The following ARL6IP6 variants were observed in gnomAD, a reference collection of about 807,000 sequenced individuals.
ARL6IP6 encodes the protein ADP-ribosylation factor-like protein 6-interacting protein 6.
In ARL6IP6, 22 loss-of-function variants were observed where a neutral mutation model predicts 21.5. That is an observed-to-expected ratio of 1.02 (90% CI 0.73 to 1.46). The LOEUF (loss-of-function observed/expected upper bound fraction) is 1.46, where lower values mean the gene tolerates loss of function less well. Among genes scored for constraint, ARL6IP6 ranks in the 40% most tolerant of loss-of-function variants. The probability of loss-of-function intolerance (pLI) is 0.00; values close to 1 mark genes in which losing one functional copy is unlikely to be tolerated. For missense variants in ARL6IP6, 388 were observed against 299.8 expected (o/e 1.29, Z -2.17); for synonymous variants, 164 against 125.3 (o/e 1.31, Z -2.06).
chr2:152,720,316 A>T, intron 1 of ARL6IP6: 1 of 572,900 alleles, frequency 1.7e-6, no homozygotes, highest in Admixed American at 3.0e-5. Context: ...CAGTACTCTC[A>T]TCCTATGTAC....
Position 152,761,351 on chromosome 2 carries a change from C to T in ARL6IP6, c.*1511C>T, listed in dbSNP as rs1045582167. The T allele has an allele frequency of 2.0e-5, 3 of 152,048 alleles. No individual in the cohort carries two copies. The highest frequency in any genetic ancestry group is 4.4e-5 in the Non-Finnish European group (3 of 68,036). 9.4% of individuals were successfully genotyped at this position (152,048 alleles called of 1,614,324 possible). A position where few individuals can be genotyped will look rare whatever the true frequency, so the allele number is the denominator to read the frequency against. On this transcript the variant is annotated 3_prime_UTR_variant, in exon 4 of 4. Coordinates refer to ENST00000326446, the MANE Select transcript of ARL6IP6 (RefSeq NM_152522.7). ...TCTATTTTCACTCCCTGCCTTCCTT[C>T]CTGCACGCTTAAACTCTTCACCCTT...
At chr2:152,721,791 A>C (rs1286565507) in intron 2 of ARL6IP6, among the ~76,000 whole-genome samples, 1 of 152,252 alleles carries the variant, frequency 6.6e-6, no homozygotes, top group East Asian at 1.9e-4. Context: ...TTATTTCAGC[A>C]GAAGGGGAAA....
intron 2 of ARL6IP6, among the ~76,000 whole-genome samples, chr2:152,724,055 T>C (rs2105092949): frequency 6.6e-6 from 1 of 150,864 alleles, no homozygotes; most frequent in East Asian, 1.9e-4. Flanking sequence ...TATAGCACAA[T>C]TTTTGTAAAA....
intron 2 of ARL6IP6, among the ~76,000 whole-genome samples, chr2:152,730,677 C>T (rs942851502): frequency 5.3e-5 from 8 of 152,096 alleles, no homozygotes; most frequent in Non-Finnish European, 8.8e-5. Flanking sequence ...GACTAATCCT[C>T]AAGACATTTG....
intron 2 of ARL6IP6, among the ~76,000 whole-genome samples, chr2:152,722,800 C>T (rs534914704): frequency 1.7e-3 from 260 of 152,134 alleles, no homozygotes; most frequent in African/African-American, 5.0e-3. Flanking sequence ...CCCACCTACT[C>T]GGGAGGCTGA....
At chr2:152,735,607 G>A (rs936492928) in intron 3 of ARL6IP6, among the ~76,000 whole-genome samples, 3 of 152,048 alleles carry the variant, frequency 2.0e-5, no homozygotes, top group African/African-American at 4.8e-5. Context: ...TTTTCGTAGT[G>A]GAACAGTATT....
At chr2:152,720,692 A>C in intron 2 of ARL6IP6, 106 bp downstream of exon 2, 1 of 984,700 alleles carries the variant, frequency 1.0e-6, no homozygotes, top group Non-Finnish European at 1.5e-6. Context: ...TTCTATGTGC[A>C]GTCATTCAGT....
intron 3 of ARL6IP6, among the ~76,000 whole-genome samples, chr2:152,740,572 T>C (rs1260511548): frequency 2.6e-5 from 4 of 152,154 alleles, no homozygotes; most frequent in Middle Eastern, 3.4e-3. Context: ...ATACAAAATT[T>C]AGATGTGTAT....
chr2:152,720,406 G>A (rs1574007931), intron 1 of ARL6IP6, 127 bp from the exon 2 acceptor site: 1 of 881,184 alleles, frequency 1.1e-6, no homozygotes, highest in East Asian at 2.5e-5. Flanking sequence ...AATTGAATCA[G>A]AATTTGAACC....
chr2:152,756,953 C>T (rs553849998), intron 3 of ARL6IP6, among the ~76,000 whole-genome samples: 69 of 152,204 alleles, frequency 4.5e-4, no homozygotes, highest in Non-Finnish European at 9.0e-4. Context: ...CACCACCCAC[C>T]GAAGACGTGT....
intron 2 of ARL6IP6, among the ~76,000 whole-genome samples, chr2:152,731,342 T>C (rs1030228783): frequency 7.2e-5 from 11 of 152,340 alleles, no homozygotes; most frequent in African/African-American, 2.4e-4. Context: ...TTCAGTCTGT[T>C]ACTGAGCTTC....
At chr2:152,725,504 G>A (rs1019945979) in intron 2 of ARL6IP6, among the ~76,000 whole-genome samples, 8 of 152,076 alleles carry the variant, frequency 5.3e-5, no homozygotes, top group East Asian at 1.9e-4. Flanking sequence ...AGAATTATTG[G>A]GTTGACCATT....
intron 3 of ARL6IP6, among the ~76,000 whole-genome samples, chr2:152,750,179 A>C (rs1408329090): frequency 2.0e-5 from 3 of 152,148 alleles, no homozygotes; most frequent in African/African-American, 2.4e-5. Context: ...TGGGATACTT[A>C]CAGAAATGTA....
chr2:152,762,085 A>G lies in ARL6IP6; in HGVS notation c.*2245A>G, dbSNP rs1271368685. ...ATATGCAGAATGATTAGGCAAGGAT[A>G]GTCACCTAACTCTGGCTGAGCTAAT... is the stretch of plus-strand genomic sequence containing the variant. On this transcript the variant is annotated 3_prime_UTR_variant, in exon 4 of 4. Coordinates refer to ENST00000326446, the MANE Select transcript of ARL6IP6 (RefSeq NM_152522.7). 4.6e-5 allele frequency among the ~76,000 whole-genome samples: 7 copies of G among 152,202 alleles called. No individual in the cohort carries two copies. Among genetic ancestry groups the G allele is most frequent in the African/African-American group, 7.2e-5 (3 of 41,444 alleles).
intron 2 of ARL6IP6, among the ~76,000 whole-genome samples, chr2:152,722,407 A>C (rs989282783): frequency 6.6e-6 from 1 of 152,248 alleles, no homozygotes; most frequent in African/African-American, 2.4e-5. Context: ...GATGAGCTCC[A>C]GTGGTCAGAT....
intron 3 of ARL6IP6, among the ~76,000 whole-genome samples, chr2:152,753,608 T>C (rs1701437853): frequency 6.6e-6 from 1 of 151,802 alleles, no homozygotes; most frequent in Non-Finnish European, 1.5e-5. Flanking sequence ...ATTGAATTTA[T>C]AGGTGTTTAT....
intron 2 of ARL6IP6, among the ~76,000 whole-genome samples, chr2:152,729,443 T>A (rs116207969): frequency 6.6e-6 from 1 of 152,194 alleles, no homozygotes; most frequent in Non-Finnish European, 1.5e-5. Flanking sequence ...GTGTATTTAT[T>A]TAAAAGCCTG....
chr2:152,723,800 T>TA (rs55946135), intron 2 of ARL6IP6, among the ~76,000 whole-genome samples: 98,113 of 151,758 alleles, frequency 0.65, 32,071 homozygotes, highest in East Asian at 0.72. Flanking sequence ...TTAGAAGTGT[T>TA]AAAAAAAGTC....
intron 2 of ARL6IP6, among the ~76,000 whole-genome samples, chr2:152,728,785 A>G (rs1420918492): frequency 5.3e-5 from 8 of 152,162 alleles, no homozygotes; most frequent in Non-Finnish European, 7.4e-5. Context: ...CATTGGCCAG[A>G]CGTGGTGGCG....
Sources: gnomAD v4.1 joint callset for allele counts (sites outside exome capture counted in the v4.1 genomes callset) on GRCh38, gnomAD v4.1.1 for gene constraint, MANE v1.5 for transcripts, NCBI Gene and HGNC (gene_info 2026-07-23, HGNC 2026-07-21) for gene names.